Variants in SPATA17 observed in about 807,000 individuals in gnomAD.
The protein encoded by SPATA17 is spermatogenesis associated 17, also known as spermatogenesis-associated protein 17.
Under a neutral mutation model 62.2 loss-of-function variants are expected in SPATA17, and 53 were observed. The ratio of observed to expected loss-of-function variants is 0.85; its 90% CI spans 0.68 to 1.07. The LOEUF (loss-of-function observed/expected upper bound fraction) is 1.07. SPATA17 is among the 50% of genes least tolerant of loss of function. SPATA17 has a pLI of 0.00. For synonymous variants in SPATA17, 146 were observed against 146.8 expected, an observed-to-expected ratio of 0.99 and a Z score of 0.04; for missense variants, 466 against 425.5, an observed-to-expected ratio of 1.10 and a Z score of -0.84.
intron 1 of SPATA17, among the ~76,000 whole-genome samples, chr1:217,647,188 A>G (rs891408050): frequency 3.3e-5 from 5 of 152,222 alleles, no homozygotes; most frequent in Non-Finnish European, 5.9e-5. Context: ...ATTTCTCTCA[A>G]CAGCTCCTTT....
rs571604562 is a variant in SPATA17 at position 217,770,536 on chromosome 1, T to G, written c.520-3798T>G. ...TCTTCCTATTTCATAGAAACTTGTT[T>G]TAAAAGTACACCTTGGTAACAAAGA... is the stretch of plus-strand genomic sequence containing the variant. On this transcript the variant is annotated intron_variant, in intron 6 of 10. Transcript: ENST00000366933. Among the ~76,000 whole-genome samples the G allele has an allele frequency of 6.6e-5, 10 of 152,260 alleles. No homozygotes were observed. In the East Asian group the frequency reaches 1.5e-3, roughly 24 times the overall value.
chr1:217,633,486 C>T (rs946951760), intron 1 of SPATA17, among the ~76,000 whole-genome samples: 7 of 150,768 alleles, frequency 4.6e-5, no homozygotes, highest in African/African-American at 1.2e-4. Context: ...TGGCTCAGGC[C>T]TGTAATCCCA....
chr1:217,739,377 T>G (rs1672578945), intron 5 of SPATA17: 2 of 152,346 alleles, frequency 1.3e-5, no homozygotes, highest in East Asian at 1.9e-4. Flanking sequence ...TGCCATTAAC[T>G]TATTTGTTAA....
intron 6 of SPATA17, among the ~76,000 whole-genome samples, chr1:217,767,264 T>C (rs1673322713): frequency 6.6e-6 from 1 of 152,080 alleles, no homozygotes; most frequent in Non-Finnish European, 1.5e-5. Context: ...GTAAGGTGTT[T>C]TTTCTTTGTG....
At chr1:217,714,517 C>T (rs1671954327) in intron 5 of SPATA17, among the ~76,000 whole-genome samples, 1 of 100,358 alleles carries the variant, frequency 1.0e-5, no homozygotes, top group Admixed American at 8.9e-5. Flanking sequence ...CAGAGTCTTG[C>T]TCTGTTGCCC....
Position 217,871,505 on chromosome 1 carries a change from AATG to A in SPATA17, c.*4493_*4495del, listed in dbSNP as rs1676128460. 3 of 152,266 alleles carry A rather than the reference AATG, an allele frequency of 2.0e-5. No homozygotes were observed. In the South Asian group the frequency reaches 6.2e-4, roughly 32 times the overall value. 9.4% of individuals were successfully genotyped at this position (152,266 alleles called of 1,614,324 possible). ...TGAATTATATGAACCTATTTGAGGT[AATG>A]ATGATGCCTGGGAAGGAGCAGTATT... is the stretch of plus-strand genomic sequence containing the variant. On this transcript the variant is annotated 3_prime_UTR_variant, in exon 11 of 11. Transcript: ENST00000366933.
At chr1:217,741,159 A>G (rs980467316) in intron 5 of SPATA17, among the ~76,000 whole-genome samples, 4 of 152,222 alleles carry the variant, frequency 2.6e-5, no homozygotes, top group African/African-American at 9.6e-5. Flanking sequence ...TTAAAAAAGT[A>G]TAGTACAATT....
At chr1:217,793,433 G>T (rs951338112) in intron 8 of SPATA17, among the ~76,000 whole-genome samples, 10 of 151,978 alleles carry the variant, frequency 6.6e-5, no homozygotes, top group Non-Finnish European at 1.3e-4. Flanking sequence ...TGTTAGCCAG[G>T]ATGGTCTCGA....
rs148026047 is a variant in SPATA17, at chr1:217,675,280, G to A, written c.291+6197G>A. Among the ~76,000 whole-genome samples the A allele has an allele frequency of 1.1e-4, 17 of 152,284 alleles. No homozygotes were observed. The East Asian group carries it at 3.3e-3, about 29-fold the overall frequency. ...ATGGGATATAACACTGTGAAATTCA[G>A]TTTTCAGCTGAATGCCCTGCAATTC... On this transcript the variant is annotated intron_variant, in intron 4 of 10. Transcript: ENST00000366933.
chr1:217,763,649 G>A (rs1673226274), intron 6 of SPATA17, among the ~76,000 whole-genome samples: 2 of 152,196 alleles, frequency 1.3e-5, no homozygotes, highest in Non-Finnish European at 2.9e-5. Context: ...GCAGATGGGG[G>A]TAAGCACAGC....
intron 3 of SPATA17, among the ~76,000 whole-genome samples, chr1:217,663,934 G>A (rs1670626526): frequency 6.6e-6 from 1 of 151,924 alleles, no homozygotes; most frequent in African/African-American, 2.4e-5. Context: ...ATTGTATATT[G>A]TACATGAAAA....
chr1:217,746,450 T>C (rs1052775930), intron 6 of SPATA17, among the ~76,000 whole-genome samples: 9 of 103,942 alleles, frequency 8.7e-5, no homozygotes, highest in African/African-American at 2.5e-4. Context: ...ATAGCTTACT[T>C]TAGATGAGTT....
At chr1:217,697,148 A>G (rs1204030584) in intron 5 of SPATA17, among the ~76,000 whole-genome samples, 1 of 152,188 alleles carries the variant, frequency 6.6e-6, no homozygotes, top group Non-Finnish European at 1.5e-5. Flanking sequence ...AGCTGGGACC[A>G]CAGGCATGTG....
rs565381379 is a variant in SPATA17, at chr1:217,647,264, A to G, written c.69-1618A>G. On this transcript the variant is annotated intron_variant, in intron 1 of 10. Transcript: ENST00000366933. ...AGTTACTAAGAAGATAGAGGCACTC[A>G]TGGGCTCTCAGCAACTATGTCATCC... Among the ~76,000 whole-genome samples the G allele has an allele frequency of 6.2e-4, 94 of 152,320 alleles. 1 individual carries two copies. The highest frequency in any genetic ancestry group is 1.9e-3 in the African/African-American group (81 of 41,590).
chr1:217,677,100 A>C (rs1019442819), intron 4 of SPATA17, among the ~76,000 whole-genome samples: 3 of 152,150 alleles, frequency 2.0e-5, no homozygotes, highest in Admixed American at 2.0e-4. Flanking sequence ...AAACAGAAGC[A>C]ATAGTAACAA....
At chr1:217,829,365 C>T (rs775029439) in intron 9 of SPATA17, among the ~76,000 whole-genome samples, 1 of 152,022 alleles carries the variant, frequency 6.6e-6, no homozygotes, top group Non-Finnish European at 1.5e-5. Flanking sequence ...TGGTGGTTCA[C>T]GCCTGTAATC....
chr1:217,699,357 C>T (rs1671538585), intron 5 of SPATA17, among the ~76,000 whole-genome samples: 1 of 152,144 alleles, frequency 6.6e-6, no homozygotes, highest in African/African-American at 2.4e-5. Context: ...TCTGTGTCTT[C>T]ACCAGTATTT....
chr1:217,852,181 C>A (rs1413077215), intron 9 of SPATA17, among the ~76,000 whole-genome samples: 2 of 152,116 alleles, frequency 1.3e-5, no homozygotes, highest in Admixed American at 1.3e-4. Flanking sequence ...TAGTTATTGC[C>A]ATCTTTAAAA....
rs190262717 is a variant in SPATA17, at chr1:217,790,328, T to A, written c.872+8006T>A. On this transcript the variant is annotated intron_variant, in intron 8 of 10. Coordinates refer to ENST00000366933, the MANE Select transcript of SPATA17 (RefSeq NM_138796.4). ...TTTACTTCTGGGGCTGGAATTTCCC[T>A]TGAAGGGACTCGGGATTTTCCTTTA... Among the ~76,000 whole-genome samples, 693 of 152,322 alleles carry A rather than the reference T, an allele frequency of 4.5e-3. 4 individuals carry two copies. Among genetic ancestry groups the A allele is most frequent in the Non-Finnish European group, 6.2e-3 (423 of 68,028 alleles).
Sources: allele counts gnomAD v4.1 joint callset (sites outside exome capture counted in the v4.1 genomes callset), GRCh38; gene constraint gnomAD v4.1.1; transcripts MANE v1.5; gene names NCBI Gene and HGNC (gene_info 2026-07-23, HGNC 2026-07-21).